Variants in FBXO33 observed in about 807,000 individuals in gnomAD.
The protein encoded by FBXO33 is F-box only protein 33.
FBXO33 carries 22 observed loss-of-function variants against 46.3 expected under a neutral mutation model. That is an observed-to-expected ratio of 0.48 (90% CI 0.34 to 0.68). FBXO33 has a LOEUF of 0.68. FBXO33 is among the 30% of genes least tolerant of loss of function. The pLI is 0.01. For synonymous variants in FBXO33, 337 were observed against 291.3 expected (o/e 1.16, Z -1.60); for missense variants, 692 against 708.8 (o/e 0.98, Z 0.27).
chr14:39,416,581 C>T (rs78203670), intron 1 of FBXO33, among the ~76,000 whole-genome samples: 4,615 of 151,878 alleles, frequency 0.03, 188 homozygotes, highest in African/African-American at 0.096. Context: ...GACCTGTTTT[C>T]GATTCTTTCT....
chr14:39,404,030 T>G (rs1595982161), intron 1 of FBXO33, among the ~76,000 whole-genome samples: 1 of 152,216 alleles, frequency 6.6e-6, no homozygotes. Flanking sequence ...TGAGCCACCA[T>G]GTCTGGCCTG....
chr14:39,430,095 G>A lies in FBXO33; in HGVS notation c.599+1469C>T, dbSNP rs1397191159. Among the ~76,000 whole-genome samples, 3 of 152,122 alleles carry A rather than the reference G, an allele frequency of 2.0e-5. No homozygotes were observed. The East Asian group carries it at 5.8e-4, about 29-fold the overall frequency. ...CTCATTGAATTCACCCTCAACCTTG[G>A]TCTCATTAGTAAGTGCTCACTGACT... On this transcript the variant is annotated intron_variant, in intron 1 of 3. Coordinates refer to ENST00000298097, the MANE Select transcript of FBXO33 (RefSeq NM_203301.4).
At position 39,399,255 on chromosome 14, in the gene FBXO33, C is replaced by A; in HGVS notation, c.*261G>T. ...GTGAAAAATAAAGTTAGCCAGCAAC[C>A]TCAGACAATCTTCGGCTGTATATCC... On this transcript the variant is annotated 3_prime_UTR_variant, in exon 4 of 4. Coordinates refer to ENST00000298097, the MANE Select transcript of FBXO33 (RefSeq NM_203301.4). The A allele has an allele frequency of 3.7e-6, 1 of 271,844 alleles. No individual in the cohort carries two copies. Among genetic ancestry groups the A allele is most frequent in the Admixed American group, 5.1e-5 (1 of 19,616 alleles). The allele number at this position is 271,844 out of a possible 1,614,324, so 16.8% of individuals were successfully genotyped here.
chr14:39,430,101 T>C (rs181547981), intron 1 of FBXO33, among the ~76,000 whole-genome samples: 3 of 152,328 alleles, frequency 2.0e-5, no homozygotes, highest in Admixed American at 1.3e-4. Context: ...CTTGGTCTCA[T>C]TAGTAAGTGC....
At chr14:39,417,268 G>A (rs997360823) in intron 1 of FBXO33, among the ~76,000 whole-genome samples, 4 of 152,266 alleles carry the variant, frequency 2.6e-5, no homozygotes, top group African/African-American at 4.8e-5. Flanking sequence ...GATATGAGGT[G>A]AGACAGAAAT....
chr14:39,402,206 G>A (rs1205381927), intron 2 of FBXO33, among the ~76,000 whole-genome samples, 195 bp downstream of exon 2: 2 of 152,156 alleles, frequency 1.3e-5, no homozygotes, highest in Non-Finnish European at 2.9e-5. Context: ...TATCCACTAA[G>A]TTACTTGATT....
At chr14:39,419,443 G>A (rs183530383) in intron 1 of FBXO33, among the ~76,000 whole-genome samples, 1 of 152,332 alleles carries the variant, frequency 6.6e-6, no homozygotes, top group South Asian at 2.1e-4. Context: ...CAAGGAAACT[G>A]CATATAGCCT....
chr14:39,430,615 C>A (rs1242922530), intron 1 of FBXO33, among the ~76,000 whole-genome samples: 2 of 152,136 alleles, frequency 1.3e-5, no homozygotes, highest in Admixed American at 6.5e-5. Context: ...TCAAACAACA[C>A]AGTGAATGTG....
In FBXO33 at chr14:39,427,690, G is replaced by C. The variant is rs2075522701; in HGVS notation, c.599+3874C>G. Among the ~76,000 whole-genome samples the C allele has an allele frequency of 2.0e-5, 3 of 152,138 alleles. 1 individual carries two copies. Among genetic ancestry groups the C allele is most frequent in the Admixed American group, 2.0e-4 (3 of 15,268 alleles). Reference sequence around the variant, plus strand: ...GCAGGGGATCACACCTGTAATCCCAGCACCTTAGGAGGCAGAAATGGGAGA... The same window carrying C: ...GCAGGGGATCACACCTGTAATCCCACCACCTTAGGAGGCAGAAATGGGAGA... On this transcript the variant is annotated intron_variant, in intron 1 of 3. Transcript: ENST00000298097.
At position 39,431,852 on chromosome 14, in the gene FBXO33, T is replaced by A; in HGVS notation, c.311A>T (p.Tyr104Phe). The change falls in exon 1 of 4, where the codon TAT becomes TTT. Residue 104 changes from tyrosine to phenylalanine, a missense_variant. Around this residue, in one of 3 missense-constraint regions of FBXO33, gnomAD observed 412 missense variants for 370.8 expected, o/e 1.11. Transcript: ENST00000298097. The stretch of plus-strand genomic sequence containing the variant: ...GCGGAGCTGGGGCCACAGGGCCGGA[T>A]AGAAGAGGCACTCACGCCAGTGCGA... ...SCSHWRECLF[Y>F]PALWPQLRIC... The A allele has an allele frequency of 6.3e-7, 1 of 1,596,510 alleles. No homozygotes were observed. The highest frequency in any genetic ancestry group is 8.5e-7 in the Non-Finnish European group (1 of 1,175,264).
At chr14:39,411,199 G>A (rs994497508) in intron 1 of FBXO33, among the ~76,000 whole-genome samples, 3 of 151,718 alleles carry the variant, frequency 2.0e-5, no homozygotes, top group African/African-American at 7.3e-5. Flanking sequence ...AGGTTCAAGC[G>A]ATTCTCCCGC....
intron 3 of FBXO33, among the ~76,000 whole-genome samples, chr14:39,400,821 A>C (rs2075365200): frequency 1.3e-5 from 2 of 152,216 alleles, no homozygotes; most frequent in Non-Finnish European, 2.9e-5. Flanking sequence ...GAAAGAAATC[A>C]TACATTCTCT....
intron 1 of FBXO33, among the ~76,000 whole-genome samples, chr14:39,423,945 C>G (rs559031586): frequency 2.0e-5 from 3 of 152,112 alleles, no homozygotes; most frequent in Non-Finnish European, 4.4e-5. Flanking sequence ...CAACTCTTAC[C>G]CTGCTGCCTC....
At chr14:39,427,245 G>T (rs896970394) in intron 1 of FBXO33, among the ~76,000 whole-genome samples, 4 of 152,024 alleles carry the variant, frequency 2.6e-5, no homozygotes, top group Admixed American at 6.5e-5. Context: ...GGAATAAAAA[G>T]TCCTAAAACC....
At position 39,430,140 on chromosome 14, in the gene FBXO33, G is replaced by A. The variant is rs150014677; in HGVS notation, c.599+1424C>T. ...CTGACTGAAACTTTGCAACTTTTGG[G>A]TCAGTTGGTCCTCTAGCCATACATT... On this transcript the variant is annotated intron_variant, in intron 1 of 3. Transcript: ENST00000298097. Among the ~76,000 whole-genome samples, 125 of 152,268 alleles carry A rather than the reference G, an allele frequency of 8.2e-4. 1 individual carries two copies. Among genetic ancestry groups the A allele is most frequent in the African/African-American group, 2.9e-3 (119 of 41,540 alleles).
In FBXO33 at chr14:39,420,569, T is replaced by G. The variant is rs192855791; in HGVS notation, c.599+10995A>C. 5.3e-4 allele frequency among the ~76,000 whole-genome samples: 80 copies of G among 152,152 alleles called. 1 individual carries two copies. The highest frequency in any genetic ancestry group is 1.8e-3 in the African/African-American group (75 of 41,490). ...AGGCGTGGTGGTGGGCACCTGTATG[T>G]AGTCCCAGCCACTTGGGAGGCTGAG... is the stretch of plus-strand genomic sequence containing the variant. On this transcript the variant is annotated intron_variant, in intron 1 of 3. Transcript: ENST00000298097.
intron 1 of FBXO33, among the ~76,000 whole-genome samples, chr14:39,427,789 A>AAT (rs1382174787): frequency 1.3e-5 from 2 of 152,090 alleles, no homozygotes; most frequent in African/African-American, 2.4e-5. Flanking sequence ...AAATTAAAAA[A>AAT]ATATATATAT....
Position 39,413,416 on chromosome 14 carries a change from T to C in FBXO33, c.600-10905A>G, listed in dbSNP as rs181086629. 2.9e-3 allele frequency among the ~76,000 whole-genome samples: 443 copies of C among 152,346 alleles called. 3 individuals are homozygous for C. Among genetic ancestry groups the C allele is most frequent in the Non-Finnish European group, 5.5e-3 (372 of 68,032 alleles). ...TACAGTGACTTCCTACACTGAAGTC[T>C]TGAACTCCTCAAATGATCCATGAGT... On this transcript the variant is annotated intron_variant, in intron 1 of 3. Transcript: ENST00000298097.
At chr14:39,417,845 G>A (rs1172535501) in intron 1 of FBXO33, among the ~76,000 whole-genome samples, 2 of 151,754 alleles carry the variant, frequency 1.3e-5, no homozygotes, top group Non-Finnish European at 2.9e-5. Flanking sequence ...TTGTTATCTT[G>A]ATGTTTCTAT....
Sources: allele counts gnomAD v4.1 joint callset (sites outside exome capture counted in the v4.1 genomes callset), GRCh38; gene constraint gnomAD v4.1.1; regional missense constraint gnomAD v4.1.1; transcripts MANE v1.5; gene names NCBI Gene and HGNC (gene_info 2026-07-23, HGNC 2026-07-21).